KCNMB4: variants seen among roughly 807,000 people sequenced by gnomAD.
KCNMB4 encodes potassium calcium-activated channel subfamily M regulatory beta subunit 4.
KCNMB4 carries 3 observed loss-of-function variants against 20.7 expected under a neutral mutation model. That is an observed-to-expected ratio of 0.14 (90% CI 0.07 to 0.37). The LOEUF (loss-of-function observed/expected upper bound fraction) is 0.37. Ranked by LOEUF, KCNMB4 falls within the 10% of genes least tolerant of loss-of-function variation. KCNMB4 has a pLI of 1.00. For missense variants in KCNMB4, 168 were observed against 265.9 expected (o/e 0.63, Z 2.56); for synonymous variants, 110 against 113.4 (o/e 0.97, Z 0.19).
At chr12:70,424,904 G>A (rs143523604) in intron 2 of KCNMB4, among the ~76,000 whole-genome samples, 17 of 152,242 alleles carry the variant, frequency 1.1e-4, no homozygotes, top group East Asian at 1.9e-4. Context: ...AAGGTCTTAC[G>A]ATTGCCTCAA....
At chr12:70,369,484 CCT>C (rs1305693212) in intron 1 of KCNMB4, among the ~76,000 whole-genome samples, 1 of 152,152 alleles carries the variant, frequency 6.6e-6, no homozygotes, top group Non-Finnish European at 1.5e-5. Context: ...CTATGCTTCC[CCT>C]CTGTTTCTTT....
At chr12:70,387,591 G>A (rs1271769252) in intron 1 of KCNMB4, among the ~76,000 whole-genome samples, 2 of 151,640 alleles carry the variant, frequency 1.3e-5, no homozygotes, top group Admixed American at 6.6e-5. Flanking sequence ...TAGTACAGAC[G>A]GGGTTTTACC....
chr12:70,373,754 C>G (rs1207018129), intron 1 of KCNMB4, among the ~76,000 whole-genome samples: 3 of 152,106 alleles, frequency 2.0e-5, no homozygotes, highest in Non-Finnish European at 4.4e-5. Flanking sequence ...TGTGGTGGCT[C>G]TTACCTATAA....
At chr12:70,379,359 A>T (rs1056031698) in intron 1 of KCNMB4, among the ~76,000 whole-genome samples, 8 of 152,320 alleles carry the variant, frequency 5.3e-5, no homozygotes, top group African/African-American at 1.9e-4. Flanking sequence ...TTTATAAATT[A>T]TCTAAGCTAG....
intron 2 of KCNMB4, among the ~76,000 whole-genome samples, chr12:70,420,384 A>G (rs1207704678): frequency 1.3e-5 from 2 of 152,152 alleles, no homozygotes; most frequent in Admixed American, 1.3e-4. Context: ...GTGTGCCCCA[A>G]ATGCAATCAT....
chr12:70,427,113 A>G (rs551664504), intron 2 of KCNMB4, among the ~76,000 whole-genome samples: 2 of 152,314 alleles, frequency 1.3e-5, no homozygotes, highest in South Asian at 4.1e-4. Flanking sequence ...AGTTTGCCAC[A>G]TGTGGCAAAC....
intron 1 of KCNMB4, among the ~76,000 whole-genome samples, chr12:70,390,397 T>G (rs1055085567): frequency 6.6e-5 from 10 of 152,284 alleles, no homozygotes; most frequent in Admixed American, 5.9e-4. Flanking sequence ...AATGGTAAAT[T>G]GATGTTGCAT....
At chr12:70,413,397 A>G (rs1387345057) in intron 2 of KCNMB4, among the ~76,000 whole-genome samples, 1 of 152,224 alleles carries the variant, frequency 6.6e-6, no homozygotes, top group African/African-American at 2.4e-5. Flanking sequence ...GAGGAAAAAT[A>G]CAAGAACCGT....
rs79644150 is a variant in KCNMB4, at chr12:70,425,543, C to T, written c.465-4942C>T. Reference sequence around the variant, plus strand: ...TGCCTGAAAACCTATGACATAGGCACCTCTTTCACTTGTGGCATCTCATTT... The same window carrying T: ...TGCCTGAAAACCTATGACATAGGCATCTCTTTCACTTGTGGCATCTCATTT... On this transcript the variant is annotated intron_variant, in intron 2 of 2. Coordinates refer to ENST00000258111, the MANE Select transcript of KCNMB4 (RefSeq NM_014505.6). Among the ~76,000 whole-genome samples the T allele has an allele frequency of 2.5e-3, 382 of 152,344 alleles. 2 individuals carry two copies. Among genetic ancestry groups the T allele is most frequent in the African/African-American group, 8.7e-3 (363 of 41,578 alleles).
chr12:70,433,230 C>G lies in KCNMB4; in HGVS notation c.*2577C>G, dbSNP rs568394087. ...GTTTTCATTCTCTTTTTGTATAAAT[C>G]AGAAAATGATCTAAACTGCTGTAAC... On this transcript the variant is annotated 3_prime_UTR_variant, in exon 3 of 3. Transcript: ENST00000258111. 2 of 152,054 alleles carry G rather than the reference C, an allele frequency of 1.3e-5. No individual in the cohort carries two copies. Among genetic ancestry groups the G allele is most frequent in the Non-Finnish European group, 2.9e-5 (2 of 68,010 alleles). The allele number at this position is 152,054 out of a possible 1,614,324, so 9.4% of individuals were successfully genotyped here. A position where few individuals can be genotyped will look rare whatever the true frequency, so the allele number is the denominator to read the frequency against.
chr12:70,383,610 G>C (rs1026556507), intron 1 of KCNMB4, among the ~76,000 whole-genome samples: 2 of 152,174 alleles, frequency 1.3e-5, no homozygotes, highest in Non-Finnish European at 2.9e-5. Flanking sequence ...TCCCCTGAAG[G>C]CTCTAGAAAA....
intron 2 of KCNMB4, among the ~76,000 whole-genome samples, chr12:70,427,079 C>G (rs1869234711): frequency 6.6e-6 from 1 of 152,174 alleles, no homozygotes; most frequent in Non-Finnish European, 1.5e-5. Context: ...TTTATTATGT[C>G]AGCTCCCGTC....
intron 2 of KCNMB4, among the ~76,000 whole-genome samples, chr12:70,407,951 T>C (rs1868657597): frequency 6.6e-6 from 1 of 152,224 alleles, no homozygotes; most frequent in Non-Finnish European, 1.5e-5. Context: ...TTACAAGTTC[T>C]GTGCCAGGAA....
At chr12:70,405,156 T>G (rs1868564064) in intron 2 of KCNMB4, among the ~76,000 whole-genome samples, 1 of 152,066 alleles carries the variant, frequency 6.6e-6, no homozygotes, top group African/African-American at 2.4e-5. Context: ...ATGGACTACA[T>G]CATACTAAAT....
intron 2 of KCNMB4, among the ~76,000 whole-genome samples, chr12:70,429,068 A>G (rs1345689378): frequency 6.6e-6 from 1 of 152,232 alleles, no homozygotes; most frequent in African/African-American, 2.4e-5. Context: ...ATTTATGTTA[A>G]TGGCACATGA....
chr12:70,377,602 G>A (rs1883710236), intron 1 of KCNMB4, among the ~76,000 whole-genome samples: 2 of 152,230 alleles, frequency 1.3e-5, no homozygotes, highest in Admixed American at 6.5e-5. Context: ...AGACAACGAA[G>A]TTTCCTGCAT....
chr12:70,384,873 C>CAAAAAAAAAAAAAAAAA (rs57306622), intron 1 of KCNMB4, among the ~76,000 whole-genome samples: 22 of 74,308 alleles, frequency 3.0e-4, no homozygotes, highest in South Asian at 5.4e-4. Context: ...GACCCTGTCT[C>CAAAAAAAAAAAAAAAAA]AAAAAAAAAA....
intron 1 of KCNMB4, among the ~76,000 whole-genome samples, chr12:70,398,225 G>C (rs1868374427): frequency 6.6e-6 from 1 of 152,056 alleles, no homozygotes; most frequent in Non-Finnish European, 1.5e-5. Flanking sequence ...CTGTGACAGT[G>C]TTTGTAGTCC....
intron 2 of KCNMB4, among the ~76,000 whole-genome samples, chr12:70,405,126 A>G (rs753278530): frequency 2.0e-5 from 3 of 152,192 alleles, no homozygotes; most frequent in Non-Finnish European, 2.9e-5. Flanking sequence ...AGTACAGACT[A>G]CTCATTCAAG....
Sources: allele counts gnomAD v4.1 joint callset (sites outside exome capture counted in the v4.1 genomes callset), GRCh38; gene constraint gnomAD v4.1.1; transcripts MANE v1.5; gene names NCBI Gene and HGNC (gene_info 2026-07-23, HGNC 2026-07-21).